CYP3A7: variants seen among roughly 807,000 people sequenced by gnomAD.
The protein encoded by CYP3A7 is cytochrome P450 3A7.
In CYP3A7, 45 loss-of-function variants were observed where a neutral mutation model predicts 55.2. The ratio of observed to expected loss-of-function variants is 0.82; its 90% CI spans 0.64 to 1.05. The LOEUF is 1.05. Among genes scored for constraint, CYP3A7 ranks in the 50% least tolerant of loss-of-function variants. The pLI, the probability that CYP3A7 is intolerant of heterozygous loss-of-function variation, is 0.00. For synonymous variants in CYP3A7, 180 were observed against 207.4 expected, an observed-to-expected ratio of 0.87 and a Z score of 1.13; for missense variants, 548 against 605.3, an observed-to-expected ratio of 0.91 and a Z score of 0.99.
intron 12 of CYP3A7, 142 bp downstream of exon 12, chr7:99,707,670 T>A (rs565494044): frequency 7.2e-7 from 1 of 1,388,814 alleles, no homozygotes; most frequent in African/African-American, 1.4e-5. Context: ...CCCTTAAAGA[T>A]CATAGATGGG....
In CYP3A7 at chr7:99,735,040, G is replaced by A. The variant is rs776836680; in HGVS notation, c.54C>T (p.Ser18=). The A allele has an allele frequency of 1.9e-6, 3 of 1,613,996 alleles. No homozygotes were observed. The highest frequency in any genetic ancestry group is 2.7e-5 in the African/African-American group (2 of 74,920). ...TTACTCACAGATAGAGGAGTATCAG[G>A]CTGACAGCCAGGAGAAGCCAGGTTT... ...AVETWLLLAV[S]LILLYLYGTR... Residue 18 remains serine (S), a synonymous_variant, in exon 1 of 13, where the codon AGC becomes AGT. Coordinates refer to ENST00000336374, the MANE Select transcript of CYP3A7 (RefSeq NM_000765.5).
intron 6 of CYP3A7, among the ~76,000 whole-genome samples, chr7:99,716,519 TA>T (rs577600967): frequency 1.3e-5 from 2 of 152,004 alleles, no homozygotes; most frequent in African/African-American, 4.8e-5. Context: ...ATGTCCTGGT[TA>T]AAAAAAACTC....
In CYP3A7 at chr7:99,705,520, C is replaced by A. The variant is rs757100968; in HGVS notation, c.1492G>T (p.Glu498Ter). 2 of 1,613,648 alleles carry A rather than the reference C, an allele frequency of 1.2e-6. No homozygotes were observed. Among genetic ancestry groups the A allele is most frequent in the Non-Finnish European group, 1.7e-6 (2 of 1,179,646 alleles). ...PIVLKAESRD[E>*]TVSGA ...GGAAATCAGGCTCCACTTACGGTCT[C>A]ATCCCTTGACTCAGCCTTTAGAACA... is the stretch of plus-strand genomic sequence containing the variant. The change falls in exon 13 of 13, where the codon GAG (glutamate) becomes TAG (stop). Residue 498 changes from glutamate to a stop codon, truncating the protein, a stop_gained. Transcript: ENST00000336374. LOFTEE classifies it high-confidence loss of function.
At chr7:99,705,654 A>G in intron 12 of CYP3A7, 59 bp from the exon 13 acceptor site, 4 of 1,593,660 alleles carry the variant, frequency 2.5e-6, no homozygotes, top group East Asian at 2.2e-5. Flanking sequence ...TAGAAAGTAT[A>G]GCATCAAAGT....
chr7:99,727,206 C>T (rs758389001), intron 2 of CYP3A7, among the ~76,000 whole-genome samples: 1 of 152,190 alleles, frequency 6.6e-6, no homozygotes, highest in Non-Finnish European at 1.5e-5. Context: ...AATTCTTACA[C>T]AAGGACTGGG....
chr7:99,705,149 A>G lies in CYP3A7; in HGVS notation c.*351T>C, dbSNP rs1465826548. The G allele has an allele frequency of 4.4e-5, 11 of 250,320 alleles. No homozygotes were observed. In the South Asian group the frequency reaches 5.5e-4, roughly 13 times the overall value. 15.5% of individuals were successfully genotyped at this position (250,320 alleles called of 1,614,324 possible). A position where few individuals can be genotyped will look rare whatever the true frequency, so the allele number is the denominator to read the frequency against. ...TGTTAGAGCCATCAAAATAATTCCT[A>G]TTTTTATTAATGATTGTGGTTGAAA... On this transcript the variant is annotated 3_prime_UTR_variant, in exon 13 of 13. Transcript: ENST00000336374.
At chr7:99,712,210 A>G (rs1448122614) in intron 9 of CYP3A7, among the ~76,000 whole-genome samples, 1 of 152,160 alleles carries the variant, frequency 6.6e-6, no homozygotes, top group Non-Finnish European at 1.5e-5. Flanking sequence ...CATGTAACTC[A>G]CCACCAAAAC....
chr7:99,706,157 G>T (rs1394067502), intron 12 of CYP3A7, among the ~76,000 whole-genome samples: 1 of 152,150 alleles, frequency 6.6e-6, no homozygotes, highest in African/African-American at 2.4e-5. Flanking sequence ...GGTTTACAAG[G>T]GTAGTGCAAG....
intron 6 of CYP3A7, 43 bp downstream of exon 6, chr7:99,717,134 G>C: frequency 6.2e-7 from 1 of 1,612,856 alleles, no homozygotes; most frequent in Non-Finnish European, 8.5e-7. Flanking sequence ...CAGCTGGAGG[G>C]GCTCATGACA....
At chr7:99,721,110 T>C (rs1444806875) in intron 3 of CYP3A7, 3 of 152,636 alleles carry the variant, frequency 2.0e-5, no homozygotes, top group East Asian at 3.8e-4. Flanking sequence ...GCTGCTGCAG[T>C]TGGCTGAGGC....
intron 7 of CYP3A7, 28 bp downstream of exon 7, chr7:99,715,730 A>T (rs1347582736): frequency 6.2e-7 from 1 of 1,613,318 alleles, no homozygotes; most frequent in African/African-American, 1.3e-5. Flanking sequence ...AGAGAGAGGG[A>T]GAGAAAAGGA....
chr7:99,710,447 A>G (rs1411936359), intron 10 of CYP3A7, among the ~76,000 whole-genome samples: 4 of 152,206 alleles, frequency 2.6e-5, no homozygotes, highest in Admixed American at 1.3e-4. Context: ...CAATATGCAT[A>G]TTGTTAAATG....
chr7:99,726,877 A>AT (rs1814432202), intron 2 of CYP3A7, among the ~76,000 whole-genome samples: 1 of 152,136 alleles, frequency 6.6e-6, no homozygotes, highest in African/African-American at 2.4e-5. Context: ...ATAATTCTTC[A>AT]TGAAAACACA....
At chr7:99,726,457 C>T (rs1169060094) in intron 2 of CYP3A7, among the ~76,000 whole-genome samples, 6 of 152,200 alleles carry the variant, frequency 3.9e-5, no homozygotes, top group Non-Finnish European at 5.9e-5. Context: ...GTGCCCAACC[C>T]GTACACTCTT....
intron 2 of CYP3A7, among the ~76,000 whole-genome samples, chr7:99,729,245 A>G (rs1480992109): frequency 6.6e-6 from 1 of 152,102 alleles, no homozygotes; most frequent in Non-Finnish European, 1.5e-5. Flanking sequence ...GACTATCACC[A>G]ATTATTCTAT....
At chr7:99,707,729 G>A in intron 12 of CYP3A7, 83 bp downstream of exon 12, 1 of 1,572,186 alleles carries the variant, frequency 6.4e-7, no homozygotes, top group African/African-American at 1.4e-5. Context: ...AAGATTAAGT[G>A]AGTGTATTCT....
chr7:99,723,711 G>A (rs370156732), intron 2 of CYP3A7, among the ~76,000 whole-genome samples: 23 of 152,200 alleles, frequency 1.5e-4, no homozygotes, highest in African/African-American at 5.5e-4. Flanking sequence ...ATTTTAAATC[G>A]GGTAAGCGGC....
At chr7:99,729,535 G>T (rs2140128) in intron 2 of CYP3A7, among the ~76,000 whole-genome samples, 4 of 152,040 alleles carry the variant, frequency 2.6e-5, no homozygotes, top group African/African-American at 7.3e-5. Flanking sequence ...AAGCCTGCAC[G>T]TGTACATCCA....
intron 2 of CYP3A7, chr7:99,730,712 C>G (rs1314190690): frequency 7.8e-6 from 2 of 255,810 alleles, no homozygotes; most frequent in African/African-American, 4.4e-5. Flanking sequence ...GCTCCTGTTC[C>G]TACTTTTAAT....
Sources: gnomAD v4.1 joint callset for allele counts (sites outside exome capture counted in the v4.1 genomes callset) on GRCh38, gnomAD v4.1.1 for gene constraint, MANE v1.5 for transcripts, NCBI Gene and HGNC (gene_info 2026-07-23, HGNC 2026-07-21) for gene names.